Variants in AUTS2 observed in about 807,000 individuals in gnomAD.
The protein encoded by AUTS2 is activator of transcription and developmental regulator AUTS2.
A neutral mutation model predicts 112.4 loss-of-function variants in AUTS2; 17 were observed. The ratio of observed to expected loss-of-function variants is 0.15; its 90% CI spans 0.10 to 0.23. The LOEUF (loss-of-function observed/expected upper bound fraction) is 0.23, where lower values mean the gene tolerates loss of function less well. Among genes scored for constraint, AUTS2 ranks in the 10% least tolerant of loss-of-function variants. The pLI, the probability that AUTS2 is intolerant of heterozygous loss-of-function variation, is 1.00. For synonymous variants in AUTS2, 751 were observed against 702.7 expected, an observed-to-expected ratio of 1.07 and a Z score of -1.09; for missense variants, 1,510 against 1,701.6, an observed-to-expected ratio of 0.89 and a Z score of 1.98.
At chr7:70,016,668 A>ATT (rs1011719036) in intron 2 of AUTS2, among the ~76,000 whole-genome samples, 19 of 140,798 alleles carry the variant, frequency 1.3e-4, no homozygotes, top group African/African-American at 4.2e-4. Flanking sequence ...GCCTTGACAG[A>ATT]TTTTTTTTTT....
At chr7:69,752,643 G>A (rs749940760) in intron 1 of AUTS2, among the ~76,000 whole-genome samples, 1 of 152,174 alleles carries the variant, frequency 6.6e-6, no homozygotes, top group Non-Finnish European at 1.5e-5. Context: ...TGTGACACTC[G>A]CGGTTGACTC....
rs761257419 is a variant in AUTS2, at chr7:70,789,745, C to G, written c.2532-3C>G. On this transcript the variant is annotated splice_polypyrimidine_tract_variant and splice_region_variant and intron_variant, in intron 18 of 18. Coordinates refer to ENST00000342771, the MANE Select transcript of AUTS2 (RefSeq NM_015570.4). ...CGTCCTTGTCTTCCCCTCTCTCCCC[C>G]AGGGAAAGCGTCGAGAAGAGACACT... The G allele has an allele frequency of 6.2e-7, 1 of 1,608,920 alleles. No individual in the cohort carries two copies. The highest frequency in any genetic ancestry group is 1.1e-5 in the South Asian group (1 of 90,592).
chr7:70,231,211 A>G (rs898717273), intron 4 of AUTS2, among the ~76,000 whole-genome samples: 16 of 152,136 alleles, frequency 1.1e-4, no homozygotes, highest in African/African-American at 3.4e-4. Flanking sequence ...TGTCTTGGGT[A>G]TGTTGTTGTT....
At chr7:70,304,840 C>T (rs998895142) in intron 4 of AUTS2, among the ~76,000 whole-genome samples, 5 of 150,862 alleles carry the variant, frequency 3.3e-5, no homozygotes, top group African/African-American at 1.2e-4. Flanking sequence ...CTATAATACC[C>T]AAAGGCTCTA....
At chr7:70,335,240 C>T (rs975746328) in intron 4 of AUTS2, among the ~76,000 whole-genome samples, 15 of 152,202 alleles carry the variant, frequency 9.9e-5, no homozygotes, top group Non-Finnish European at 1.9e-4. Flanking sequence ...GGAATCTCAA[C>T]AGAGGATGGG....
chr7:69,999,214 G>T (rs1799078495), intron 2 of AUTS2, among the ~76,000 whole-genome samples: 1 of 152,054 alleles, frequency 6.6e-6, no homozygotes, highest in Non-Finnish European at 1.5e-5. Context: ...AATTTTCAGG[G>T]TCCTATAATT....
intron 2 of AUTS2, among the ~76,000 whole-genome samples, chr7:69,930,376 C>A (rs1796183008): frequency 6.6e-6 from 1 of 152,130 alleles, no homozygotes; most frequent in Non-Finnish European, 1.5e-5. Flanking sequence ...TCCTCAGACT[C>A]AACTCTGTCT....
intron 1 of AUTS2, among the ~76,000 whole-genome samples, chr7:69,607,974 G>T (rs376165715): frequency 1.4e-4 from 21 of 152,076 alleles, no homozygotes; most frequent in African/African-American, 5.1e-4. Flanking sequence ...TTCTTTGGTT[G>T]CCCAGGCTGG....
At chr7:70,461,471 C>T (rs1174422702) in intron 5 of AUTS2, among the ~76,000 whole-genome samples, 2 of 152,112 alleles carry the variant, frequency 1.3e-5, no homozygotes, top group Admixed American at 6.5e-5. Flanking sequence ...ATCCGAGTCC[C>T]TGCGTTCCCA....
intron 1 of AUTS2, among the ~76,000 whole-genome samples, chr7:69,614,230 C>A (rs1449238118): frequency 6.6e-6 from 1 of 152,064 alleles, no homozygotes; most frequent in Non-Finnish European, 1.5e-5. Flanking sequence ...AGAATACCCT[C>A]ACTGGGCCTG....
At chr7:70,013,937 C>A (rs1265455258) in intron 2 of AUTS2, among the ~76,000 whole-genome samples, 1 of 152,068 alleles carries the variant, frequency 6.6e-6, no homozygotes, top group Non-Finnish European at 1.5e-5. Context: ...AGGATGGTCT[C>A]GATCTCCTGA....
At chr7:70,476,065 TA>T (rs1200189192) in intron 5 of AUTS2, among the ~76,000 whole-genome samples, 1 of 152,096 alleles carries the variant, frequency 6.6e-6, no homozygotes, top group African/African-American at 2.4e-5. Flanking sequence ...CAACCAGTAA[TA>T]CAATTCCATA....
intron 6 of AUTS2, among the ~76,000 whole-genome samples, chr7:70,751,612 G>C (rs59110810): frequency 6.6e-6 from 1 of 152,148 alleles, no homozygotes; most frequent in Non-Finnish European, 1.5e-5. Flanking sequence ...TAGGCGTGCT[G>C]TGTGGTGCAA....
chr7:70,568,967 T>A (rs758629078), intron 5 of AUTS2, among the ~76,000 whole-genome samples: 1 of 152,224 alleles, frequency 6.6e-6, no homozygotes, highest in Non-Finnish European at 1.5e-5. Flanking sequence ...TTGGAAGAGT[T>A]GGTACATACT....
At chr7:70,221,384 A>C (rs1811477984) in intron 4 of AUTS2, among the ~76,000 whole-genome samples, 1 of 152,188 alleles carries the variant, frequency 6.6e-6, no homozygotes, top group Non-Finnish European at 1.5e-5. Flanking sequence ...ATTTATATAC[A>C]ATTAATCGTA....
chr7:69,893,134 A>C (rs182803689), intron 1 of AUTS2, among the ~76,000 whole-genome samples: 11 of 152,354 alleles, frequency 7.2e-5, no homozygotes. Context: ...GTGTATGCAC[A>C]TAGTAGGTGT....
chr7:69,944,388 CAG>C, intron 2 of AUTS2, among the ~76,000 whole-genome samples: 1 of 152,288 alleles, frequency 6.6e-6, no homozygotes, highest in South Asian at 2.1e-4. Context: ...GGAGTAGACT[CAG>C]GGTCTCTTTC....
At chr7:70,130,795 C>G (rs538638533) in intron 3 of AUTS2, among the ~76,000 whole-genome samples, 10 of 152,202 alleles carry the variant, frequency 6.6e-5, no homozygotes, top group African/African-American at 2.4e-4. Flanking sequence ...TCCTCATATC[C>G]CTGTGTTCTC....
chr7:69,939,290 T>TCTAAGGATAGGAATCTAAGG (rs1796534245), intron 2 of AUTS2, among the ~76,000 whole-genome samples: 1 of 152,212 alleles, frequency 6.6e-6, no homozygotes, highest in African/African-American at 2.4e-5. Context: ...ATCTTTGCCT[T>TCTAAGGATAGGAATCTAAGG]ATAGAAATAT....
Sources: gnomAD v4.1 joint callset for allele counts (sites outside exome capture counted in the v4.1 genomes callset) on GRCh38, gnomAD v4.1.1 for gene constraint, MANE v1.5 for transcripts, NCBI Gene and HGNC (gene_info 2026-07-23, HGNC 2026-07-21) for gene names.